The following LUC7L2 variants were observed in gnomAD, a reference collection of about 807,000 sequenced individuals.
LUC7L2 encodes the protein putative RNA-binding protein Luc7-like 2.
In LUC7L2, 25 loss-of-function variants were observed where a neutral mutation model predicts 52.8. The observed-to-expected ratio is 0.47, with a 90% CI of 0.34 to 0.66. LUC7L2 has a LOEUF of 0.66. Ranked by LOEUF, LUC7L2 falls within the 30% of genes least tolerant of loss-of-function variation. The pLI, the probability that LUC7L2 is intolerant of heterozygous loss-of-function variation, is 0.01. For missense variants in LUC7L2, 328 were observed against 497.8 expected (o/e 0.66, Z 3.25); for synonymous variants, 144 against 160.9 (o/e 0.89, Z 0.80).
chr7:139,401,262 G>A (rs1267873286), intron 3 of LUC7L2, among the ~76,000 whole-genome samples: 3 of 151,996 alleles, frequency 2.0e-5, no homozygotes, highest in Admixed American at 1.3e-4. Context: ...AGAAAAAAGG[G>A]TAAAAATGTT....
At chr7:139,371,254 G>T in intron 1 of LUC7L2, 1 of 613,064 alleles carries the variant, frequency 1.6e-6, no homozygotes, top group South Asian at 2.0e-5. Flanking sequence ...GATTGTTTTT[G>T]TAAATTGCTT....
chr7:139,392,901 G>T (rs575359329), intron 2 of LUC7L2, among the ~76,000 whole-genome samples: 2 of 151,838 alleles, frequency 1.3e-5, no homozygotes, highest in Non-Finnish European at 2.9e-5. Flanking sequence ...TGATCTGCCC[G>T]CCTCGGCCTC....
Position 139,376,079 on chromosome 7 carries a change from C to A in LUC7L2, c.79C>A (p.Arg27=). The A allele has an allele frequency of 6.2e-7, 1 of 1,613,718 alleles. No homozygotes were observed. Among genetic ancestry groups the A allele is most frequent in the Non-Finnish European group, 8.5e-7 (1 of 1,179,852 alleles). Residue 27 remains arginine, a synonymous_variant, in exon 2 of 10, where the codon CGA becomes AGA. Coordinates refer to ENST00000354926, the MANE Select transcript of LUC7L2 (RefSeq NM_016019.5). ...TATTACAGGAGATACAACTCGTCAA[C>A]GAATCAAATTCAGTGATGACAGAGT... The part of the protein sequence containing the change: ...TSRDGDTTRQ[R]IKFSDDRVCK...
intron 1 of LUC7L2, among the ~76,000 whole-genome samples, chr7:139,353,294 A>G (rs1385899969): frequency 6.6e-6 from 1 of 152,214 alleles, no homozygotes; most frequent in Non-Finnish European, 1.5e-5. Flanking sequence ...TTTATTTACC[A>G]TATTTAGTTC....
chr7:139,394,818 G>C (rs968231608), intron 2 of LUC7L2, among the ~76,000 whole-genome samples: 8 of 152,270 alleles, frequency 5.3e-5, no homozygotes, highest in Admixed American at 1.3e-4. Context: ...ATTAGACTAG[G>C]AATCAGTCTA....
chr7:139,411,771 A>AC (rs1425820096), intron 7 of LUC7L2, among the ~76,000 whole-genome samples: 1 of 152,206 alleles, frequency 6.6e-6, no homozygotes, highest in African/African-American at 2.4e-5. Flanking sequence ...GTAAGATTGA[A>AC]CTAGGTGTTC....
chr7:139,341,291 C>T (rs1206564674), intron 1 of LUC7L2: 2 of 1,512,118 alleles, frequency 1.3e-6, no homozygotes, highest in East Asian at 2.3e-5. Context: ...AGTCGGTAGT[C>T]TGTCCGACCG....
intron 4 of LUC7L2, among the ~76,000 whole-genome samples, chr7:139,402,765 C>G (rs931461783): frequency 2.0e-5 from 3 of 152,192 alleles, no homozygotes; most frequent in African/African-American, 7.2e-5. Context: ...CTCAAGCGAT[C>G]TACCCACCTT....
chr7:139,351,032 C>T (rs1799443463), intron 1 of LUC7L2, among the ~76,000 whole-genome samples: 1 of 151,948 alleles, frequency 6.6e-6, no homozygotes, highest in Non-Finnish European at 1.5e-5. Context: ...TCTGTGTATC[C>T]CTTACATGTT....
rs1799782105 is a variant in LUC7L2 at position 139,360,061 on chromosome 7, C to G, written c.-201C>G. The G allele has an allele frequency of 1.8e-6, 1 of 545,902 alleles. No individual in the cohort carries two copies. The highest frequency in any genetic ancestry group is 3.2e-6 in the Non-Finnish European group (1 of 309,554). The allele number at this position is 545,902 out of a possible 1,614,324, so 33.8% of individuals were successfully genotyped here. Reference sequence around the variant, plus strand: ...CACGAGGGTCGCTGTCGGGGGCTGTCGTCTTCCACGTACACGTCGTCGTGA... The same window carrying G: ...CACGAGGGTCGCTGTCGGGGGCTGTGGTCTTCCACGTACACGTCGTCGTGA... On this transcript the variant is annotated 5_prime_UTR_variant, in exon 1 of 10. Coordinates refer to ENST00000354926, the MANE Select transcript of LUC7L2 (RefSeq NM_016019.5).
At position 139,402,288 on chromosome 7, in the gene LUC7L2, C is replaced by T. The variant is rs777647780; in HGVS notation, c.366+41C>T. The T allele has an allele frequency of 3.1e-5, 47 of 1,493,358 alleles. 1 individual carries two copies. Among genetic ancestry groups the T allele is most frequent in the Middle Eastern group, 3.5e-4 (2 of 5,660 alleles). 92.5% of individuals were successfully genotyped at this position (1,493,358 alleles called of 1,614,324 possible). On this transcript the variant is annotated intron_variant, in intron 4 of 9. Transcript: ENST00000354926. ...ATTTCATTAGTACAAAGTATTATTT[C>T]GACTCCTTTTGTTTAAGTTTTTATT...
At chr7:139,395,961 T>G (rs770824106) in intron 2 of LUC7L2, among the ~76,000 whole-genome samples, 4 of 152,134 alleles carry the variant, frequency 2.6e-5, no homozygotes, top group Non-Finnish European at 5.9e-5. Context: ...TTGTGTGTTT[T>G]TTACTTTTTT....
At chr7:139,413,596 G>T (rs1330898086) in intron 8 of LUC7L2, among the ~76,000 whole-genome samples, 1 of 152,144 alleles carries the variant, frequency 6.6e-6, no homozygotes, top group African/African-American at 2.4e-5. Flanking sequence ...TGGCCAACAT[G>T]GCGAAACTCC....
At position 139,407,293 on chromosome 7, in the gene LUC7L2, TG is replaced by T; in HGVS notation, c.635del (p.Gly212ValfsTer10). On this transcript the variant is annotated frameshift_variant, in exon 6 of 10. Coordinates refer to ENST00000354926, the MANE Select transcript of LUC7L2 (RefSeq NM_016019.5). LOFTEE classifies it high-confidence loss of function. ...ATGACAGACGACTGGCTGATCATTTTGGGGGTAAACTGCACCTGGGATTTAT... is the reference window on the plus strand; with the variant it reads ...ATGACAGACGACTGGCTGATCATTTTGGGGTAAACTGCACCTGGGATTTAT... ...DNDRRLADHF[G>X]GKLHLGFIEI... is the part of the protein sequence containing the mutation. 1.2e-6 allele frequency: 2 copies of T among 1,609,716 alleles called. No individual in the cohort carries two copies. The highest frequency in any genetic ancestry group is 1.7e-6 in the Non-Finnish European group (2 of 1,177,276).
At chr7:139,377,100 A>G (rs7787398) in intron 2 of LUC7L2, among the ~76,000 whole-genome samples, 41,743 of 152,174 alleles carry the variant, frequency 0.27, 6,475 homozygotes, top group African/African-American at 0.42. Context: ...GCCTAAGTTT[A>G]TTTTAAAGTA....
chr7:139,351,223 A>G (rs531842837), intron 1 of LUC7L2, among the ~76,000 whole-genome samples: 1 of 152,238 alleles, frequency 6.6e-6, no homozygotes, highest in East Asian at 1.9e-4. Context: ...CACCACTTAG[A>G]TAACTCAGTT....
At chr7:139,359,007 T>A (rs1799715979), upstream of LUC7L2, 1 of 152,248 alleles carries the variant, frequency 6.6e-6, no homozygotes, top group South Asian at 2.1e-4. Flanking sequence ...CTAAAACAGT[T>A]TTTAGAAACA....
intron 9 of LUC7L2, among the ~76,000 whole-genome samples, chr7:139,421,106 A>G (rs1007129461): frequency 3.9e-5 from 6 of 152,140 alleles, no homozygotes; most frequent in African/African-American, 1.4e-4. Context: ...CAGTCTTTTT[A>G]TATCATTTTA....
Position 139,381,878 on chromosome 7 carries a change from A to ATT in LUC7L2, c.156+5746_156+5747dup, listed in dbSNP as rs57302073. Among the ~76,000 whole-genome samples the ATT allele has an allele frequency of 7.6e-3, 796 of 105,054 alleles. 12 individuals carry two copies. The highest frequency in any genetic ancestry group is 0.011 in the Non-Finnish European group (591 of 52,618). The allele number at this position is 105,054 out of a possible 152,430, so 68.9% of individuals were successfully genotyped here. A position where few individuals can be genotyped will look rare whatever the true frequency, so the allele number is the denominator to read the frequency against. On this transcript the variant is annotated intron_variant, in intron 2 of 9. Transcript: ENST00000354926. ...GGCATGAGCCACTGCGCCTGGCCTAATTTTTTTTTTTTTTTTTTTTTTTTT... is the reference window on the plus strand; with the variant it reads ...GGCATGAGCCACTGCGCCTGGCCTAATTTTTTTTTTTTTTTTTTTTTTTTTTT...
Sources: gnomAD v4.1 joint callset for allele counts (sites outside exome capture counted in the v4.1 genomes callset) on GRCh38, gnomAD v4.1.1 for gene constraint, MANE v1.5 for transcripts, NCBI Gene and HGNC (gene_info 2026-07-23, HGNC 2026-07-21) for gene names.